Variants in CNTNAP2 observed in about 807,000 individuals in gnomAD.
The protein encoded by CNTNAP2 is contactin associated protein 2.
CNTNAP2 carries 98 observed loss-of-function variants against 155.2 expected under a neutral mutation model. That is an observed-to-expected ratio of 0.63 (90% CI 0.54 to 0.75). CNTNAP2 has a LOEUF of 0.75. Among genes scored for constraint, CNTNAP2 ranks in the 30% least tolerant of loss-of-function variants. The pLI is 0.00. For synonymous variants in CNTNAP2, 651 were observed against 631.2 expected (o/e 1.03, Z -0.47); for missense variants, 1,727 against 1,688.1 (o/e 1.02, Z -0.40).
intron 8 of CNTNAP2, among the ~76,000 whole-genome samples, chr7:147,275,983 C>T (rs1804886607): frequency 1.3e-5 from 2 of 151,696 alleles, no homozygotes. Context: ...ATAGGTTGAA[C>T]CATCCTTTGA....
At chr7:147,885,758 T>C (rs2116722957) in intron 13 of CNTNAP2, among the ~76,000 whole-genome samples, 1 of 152,352 alleles carries the variant, frequency 6.6e-6, no homozygotes, top group African/African-American at 2.4e-5. Context: ...CTGGAACATT[T>C]ACCTTTCTGA....
intron 1 of CNTNAP2, among the ~76,000 whole-genome samples, chr7:146,201,619 T>C (rs112471755): frequency 6.7e-6 from 1 of 149,488 alleles, no homozygotes; most frequent in Non-Finnish European, 1.5e-5. Context: ...GAAACAGAAC[T>C]TTTTTTTAAA....
intron 8 of CNTNAP2, among the ~76,000 whole-genome samples, chr7:147,175,142 A>G (rs1479999711): frequency 1.3e-5 from 2 of 152,120 alleles, no homozygotes; most frequent in African/African-American, 2.4e-5. Context: ...AGCCATTTAC[A>G]GAAAAGTTAA....
chr7:146,416,680 C>T (rs922717076), intron 1 of CNTNAP2, among the ~76,000 whole-genome samples: 2 of 152,072 alleles, frequency 1.3e-5, no homozygotes, highest in African/African-American at 4.8e-5. Flanking sequence ...TCTTGGAGCT[C>T]TGTGGTTTTC....
intron 1 of CNTNAP2, among the ~76,000 whole-genome samples, chr7:146,609,578 G>A (rs347200): frequency 0.65 from 99,177 of 152,064 alleles, 33,773 homozygotes; most frequent in African/African-American, 0.82. Flanking sequence ...CTTGGTACAT[G>A]AATTTTTATC....
chr7:147,951,876 T>C (rs896443779), intron 14 of CNTNAP2, among the ~76,000 whole-genome samples: 11 of 151,780 alleles, frequency 7.2e-5, no homozygotes, highest in Non-Finnish European at 1.5e-4. Flanking sequence ...CCATGGCACA[T>C]GTATAGCTAT....
chr7:146,566,006 C>A (rs777122226), intron 1 of CNTNAP2, among the ~76,000 whole-genome samples: 1 of 152,174 alleles, frequency 6.6e-6, no homozygotes, highest in Non-Finnish European at 1.5e-5. Flanking sequence ...GCATATTCAC[C>A]GGCAGATCAC....
chr7:147,718,231 G>T (rs2373178), intron 13 of CNTNAP2, among the ~76,000 whole-genome samples: 81,903 of 151,892 alleles, frequency 0.54, 24,622 homozygotes, highest in East Asian at 0.83. Flanking sequence ...TCATATATAG[G>T]TATAGGTAGG....
At chr7:146,375,182 C>A (rs1205171630) in intron 1 of CNTNAP2, among the ~76,000 whole-genome samples, 1 of 152,212 alleles carries the variant, frequency 6.6e-6, no homozygotes, top group African/African-American at 2.4e-5. Context: ...TTCATTGCTT[C>A]TCTGTTACCA....
chr7:147,233,506 TAA>T (rs1015837460), intron 8 of CNTNAP2, among the ~76,000 whole-genome samples: 2 of 151,924 alleles, frequency 1.3e-5, no homozygotes, highest in Non-Finnish European at 2.9e-5. Flanking sequence ...TAATGATTTG[TAA>T]AGACTCCAAA....
At chr7:148,362,951 C>T (rs1291946814) in intron 21 of CNTNAP2, among the ~76,000 whole-genome samples, 1 of 152,170 alleles carries the variant, frequency 6.6e-6, no homozygotes, top group Admixed American at 6.5e-5. Flanking sequence ...ATTTTCCCTA[C>T]AGTATTCAAT....
chr7:147,313,946 G>T (rs7784687), intron 9 of CNTNAP2, among the ~76,000 whole-genome samples: 71,466 of 147,980 alleles, frequency 0.48, 18,403 homozygotes, highest in East Asian at 0.72. Context: ...CATTGAGCAG[G>T]GGTTTGTAGT....
chr7:148,014,869 T>G (rs980390132), intron 15 of CNTNAP2, among the ~76,000 whole-genome samples: 1 of 152,228 alleles, frequency 6.6e-6, no homozygotes, highest in Non-Finnish European at 1.5e-5. Flanking sequence ...GACCACAGTC[T>G]AGTGCCTGCT....
At chr7:147,874,430 C>G (rs1012564204) in intron 13 of CNTNAP2, among the ~76,000 whole-genome samples, 2 of 152,362 alleles carry the variant, frequency 1.3e-5, no homozygotes, top group South Asian at 4.1e-4. Flanking sequence ...GCTGCCAAAG[C>G]TTGGGGTTTG....
At chr7:148,217,955 T>A (rs1039336059) in intron 19 of CNTNAP2, among the ~76,000 whole-genome samples, 4 of 152,092 alleles carry the variant, frequency 2.6e-5, no homozygotes, top group African/African-American at 9.7e-5. Flanking sequence ...CGAAACCCCA[T>A]CTCTACAAAA....
intron 1 of CNTNAP2, among the ~76,000 whole-genome samples, chr7:146,533,816 T>C (rs542726365): frequency 6.6e-6 from 1 of 152,244 alleles, no homozygotes; most frequent in African/African-American, 2.4e-5. Context: ...TATTCAGTTT[T>C]GTTTGCTCTC....
chr7:146,647,606 C>G (rs1799836375), intron 1 of CNTNAP2, among the ~76,000 whole-genome samples: 1 of 151,994 alleles, frequency 6.6e-6, no homozygotes, highest in Admixed American at 6.6e-5. Flanking sequence ...AAAGAGAAAT[C>G]ACTGGGAAGC....
rs1798884008 is a variant in CNTNAP2 at position 147,849,518 on chromosome 7, A to G, written c.2099-54047A>G. 2.6e-5 allele frequency among the ~76,000 whole-genome samples: 4 copies of G among 152,314 alleles called. No individual in the cohort carries two copies. In the South Asian group the frequency reaches 6.2e-4, roughly 24 times the overall value. ...GAAGTAATCTTGTCATTATGTAAATACCTATGCAGCATTATCAATTTAGAG... is the reference window on the plus strand; with the variant it reads ...GAAGTAATCTTGTCATTATGTAAATGCCTATGCAGCATTATCAATTTAGAG... On this transcript the variant is annotated intron_variant, in intron 13 of 23. Coordinates refer to ENST00000361727, the MANE Select transcript of CNTNAP2 (RefSeq NM_014141.6).
chr7:147,630,972 T>C (rs113136119), intron 12 of CNTNAP2, among the ~76,000 whole-genome samples: 4,653 of 152,022 alleles, frequency 0.031, 232 homozygotes, highest in African/African-American at 0.11. Context: ...CTCCTAGCTG[T>C]AGCAATCAGA....
Sources: gnomAD v4.1 joint callset for allele counts (sites outside exome capture counted in the v4.1 genomes callset) on GRCh38, gnomAD v4.1.1 for gene constraint, MANE v1.5 for transcripts, NCBI Gene and HGNC (gene_info 2026-07-23, HGNC 2026-07-21) for gene names.